The following PTTG1IP2 variants were observed in gnomAD, a reference collection of about 807,000 sequenced individuals.
PTTG1IP2 encodes the protein PTTG1IP family member 2.
intron 6 of PTTG1IP2, among the ~76,000 whole-genome samples, chr7:90,503,654 G>A (rs183037151): frequency 6.6e-6 from 1 of 152,298 alleles, no homozygotes; most frequent in Admixed American, 6.5e-5. Flanking sequence ...TTGGGGAACG[G>A]CCAGTCAGTG....
At chr7:90,471,506 A>G (rs1345903048) in intron 1 of PTTG1IP2, among the ~76,000 whole-genome samples, 3 of 152,222 alleles carry the variant, frequency 2.0e-5, no homozygotes, top group African/African-American at 7.2e-5. Flanking sequence ...ACTGGATTAA[A>G]AAATATACTG....
At chr7:90,495,333 C>CT (rs1427722269) in intron 6 of PTTG1IP2, among the ~76,000 whole-genome samples, 3 of 152,342 alleles carry the variant, frequency 2.0e-5, no homozygotes, top group Middle Eastern at 3.4e-3. Context: ...ACTGAAGGCA[C>CT]TTAAAGTTCA....
chr7:90,478,141 G>A (rs1251470689), intron 1 of PTTG1IP2, among the ~76,000 whole-genome samples: 1 of 151,456 alleles, frequency 6.6e-6, no homozygotes, highest in Non-Finnish European at 1.5e-5. Flanking sequence ...TGGAAAACTG[G>A]GTGAGGGGGT....
chr7:90,490,514 A>T (rs1797926809), intron 4 of PTTG1IP2, among the ~76,000 whole-genome samples: 1 of 150,996 alleles, frequency 6.6e-6, no homozygotes, highest in Non-Finnish European at 1.5e-5. Context: ...GGAACTTTGT[A>T]TTTTTCTGGC....
intron 1 of PTTG1IP2, among the ~76,000 whole-genome samples, chr7:90,477,396 T>C (rs2116051469): frequency 6.6e-6 from 1 of 152,282 alleles, no homozygotes; most frequent in South Asian, 2.1e-4. Flanking sequence ...ATACAAATGC[T>C]CAATCTAAAC....
intron 6 of PTTG1IP2, among the ~76,000 whole-genome samples, chr7:90,502,749 C>T (rs1798073875): frequency 6.6e-6 from 1 of 152,142 alleles, no homozygotes; most frequent in Non-Finnish European, 1.5e-5. Flanking sequence ...ATTCAGTGAG[C>T]CATTCTGTAA....
At chr7:90,508,291 GA>G (rs143336967) in intron 6 of PTTG1IP2, among the ~76,000 whole-genome samples, 1 of 64,030 alleles carries the variant, frequency 1.6e-5, no homozygotes, top group African/African-American at 4.1e-5. Flanking sequence ...GAAAAGAAAA[GA>G]AAAAATATTT....
chr7:90,491,609 C>T (rs183197420), intron 4 of PTTG1IP2, among the ~76,000 whole-genome samples: 170 of 149,678 alleles, frequency 1.1e-3, no homozygotes, highest in African/African-American at 3.8e-3. Flanking sequence ...GGTGACATAG[C>T]GAGACTCCAT....
intron 6 of PTTG1IP2, among the ~76,000 whole-genome samples, chr7:90,498,396 T>A (rs1461284472): frequency 6.6e-6 from 1 of 152,152 alleles, no homozygotes; most frequent in Admixed American, 6.5e-5. Flanking sequence ...AAAAATAAGA[T>A]CCAACTATAT....
intron 6 of PTTG1IP2, among the ~76,000 whole-genome samples, chr7:90,506,944 T>G (rs975041442): frequency 3.3e-5 from 5 of 152,190 alleles, no homozygotes; most frequent in Admixed American, 1.3e-4. Context: ...TTCTAGAGGT[T>G]TCAGGCAAAA....
intron 6 of PTTG1IP2, among the ~76,000 whole-genome samples, chr7:90,512,884 T>C (rs1798206330): frequency 6.6e-6 from 1 of 152,210 alleles, no homozygotes; most frequent in African/African-American, 2.4e-5. Context: ...TGTGGTGACC[T>C]TTTGGAATAG....
chr7:90,485,203 C>T (rs762007317), intron 2 of PTTG1IP2, among the ~76,000 whole-genome samples: 2 of 152,110 alleles, frequency 1.3e-5, no homozygotes, highest in African/African-American at 2.4e-5. Flanking sequence ...TAAAAATAAA[C>T]GACCTCAGTC....
rs532283972 is a variant in PTTG1IP2, at chr7:90,495,458, T to G, written c.*50+1028T>G. On this transcript the variant is annotated intron_variant, in intron 6 of 6. Transcript: ENST00000509356. ...TTACAACATAGTTACAAATTTGGCT[T>G]TGTGTGTGTATGTGTGTGTGTGCAC... Among the ~76,000 whole-genome samples the G allele has an allele frequency of 2.8e-4, 42 of 152,334 alleles. No homozygotes were observed. In the Middle Eastern group the frequency reaches 0.01, roughly 37 times the overall value.
chr7:90,488,760 TC>T (rs1797905526), intron 3 of PTTG1IP2, 110 bp from the exon 4 acceptor site: 1 of 152,074 alleles, frequency 6.6e-6, no homozygotes, highest in Admixed American at 6.5e-5. Flanking sequence ...ATCATTACTT[TC>T]AATAATCATT....
At chr7:90,480,095 A>G (rs1486137268) in intron 2 of PTTG1IP2, among the ~76,000 whole-genome samples, 8 of 152,144 alleles carry the variant, frequency 5.3e-5, no homozygotes, top group Admixed American at 1.3e-4. Context: ...CATACTCTTT[A>G]TACAGTACTG....
intron 6 of PTTG1IP2, among the ~76,000 whole-genome samples, chr7:90,508,115 T>C (rs1798144349): frequency 6.6e-6 from 1 of 151,380 alleles, no homozygotes; most frequent in African/African-American, 2.4e-5. Context: ...CAAAAAAAAT[T>C]TAGCCAGGCA....
At chr7:90,507,213 G>T (rs1798134545) in intron 6 of PTTG1IP2, among the ~76,000 whole-genome samples, 1 of 152,150 alleles carries the variant, frequency 6.6e-6, no homozygotes, top group Non-Finnish European at 1.5e-5. Flanking sequence ...AGTGTATGTA[G>T]TGATGATTTC....
At chr7:90,505,190 A>T (rs1216945754) in intron 6 of PTTG1IP2, among the ~76,000 whole-genome samples, 2 of 152,212 alleles carry the variant, frequency 1.3e-5, no homozygotes, top group Non-Finnish European at 2.9e-5. Flanking sequence ...CTATGTGATA[A>T]CTTTTAACCA....
At chr7:90,472,581 A>G (rs1797704613) in intron 1 of PTTG1IP2, among the ~76,000 whole-genome samples, 1 of 152,208 alleles carries the variant, frequency 6.6e-6, no homozygotes, top group African/African-American at 2.4e-5. Flanking sequence ...CACACCAAGA[A>G]TATTTGTCAC....
Sources: gnomAD v4.1 joint callset for allele counts (sites outside exome capture counted in the v4.1 genomes callset) on GRCh38, gnomAD v4.1.1 for gene constraint, MANE v1.5 for transcripts, NCBI Gene and HGNC (gene_info 2026-07-23, HGNC 2026-07-21) for gene names.